Variants in SHISA9 observed in about 807,000 individuals in gnomAD.
SHISA9 encodes shisa family member 9, also known as protein shisa-9.
SHISA9 carries 13 observed loss-of-function variants against 38.0 expected under a neutral mutation model. The ratio of observed to expected loss-of-function variants is 0.34; its 90% CI spans 0.22 to 0.54. SHISA9 has a LOEUF of 0.54. SHISA9 is among the 20% of genes least tolerant of loss of function. SHISA9 has a pLI of 0.91. For synonymous variants in SHISA9, 275 were observed against 242.0 expected (o/e 1.14, Z -1.27); for missense variants, 538 against 575.8 (o/e 0.93, Z 0.67).
the SHISA9 span, among the ~76,000 whole-genome samples, chr16:13,364,595 ATATTTT>A: frequency 6.6e-6 from 1 of 152,230 alleles, no homozygotes; most frequent in Non-Finnish European, 1.5e-5. Flanking sequence ...ACACCAGAGA[ATATTTT>A]TATTAAATAG....
At chr16:13,179,144 T>C (rs1158550978) in intron 2 of SHISA9, among the ~76,000 whole-genome samples, 2 of 152,090 alleles carry the variant, frequency 1.3e-5, no homozygotes, top group Non-Finnish European at 2.9e-5. Flanking sequence ...GGCAAAACCC[T>C]GCCTCTACTA....
the SHISA9 span, among the ~76,000 whole-genome samples, chr16:13,507,052 A>G: frequency 5.0e-4 from 76 of 151,994 alleles, no homozygotes; most frequent in African/African-American, 1.7e-3. Flanking sequence ...CAAAACAACA[A>G]CAGCAACAAC....
chr16:13,402,744 G>A, the SHISA9 span, among the ~76,000 whole-genome samples: 1 of 152,198 alleles, frequency 6.6e-6, no homozygotes, highest in South Asian at 2.1e-4. Context: ...CAGGAATAAT[G>A]TTTTACCAGC....
At chr16:13,155,587 G>A (rs2050537218) in intron 2 of SHISA9, among the ~76,000 whole-genome samples, 1 of 137,690 alleles carries the variant, frequency 7.3e-6, no homozygotes, top group Non-Finnish European at 1.6e-5. Context: ...GTTTGTGTGT[G>A]TGGTGTGTGT....
At chr16:13,225,563 G>C (rs2051270823) in intron 4 of SHISA9, among the ~76,000 whole-genome samples, 2 of 152,178 alleles carry the variant, frequency 1.3e-5, no homozygotes, top group African/African-American at 4.8e-5. Context: ...TGAAAGCTTT[G>C]GTTGGGGCAT....
chr16:13,259,086 GTTAC>G, the SHISA9 span, among the ~76,000 whole-genome samples: 1 of 152,164 alleles, frequency 6.6e-6, no homozygotes, highest in Non-Finnish European at 1.5e-5. Context: ...AAGCAAGCTA[GTTAC>G]TTCCTAGATA....
the SHISA9 span, among the ~76,000 whole-genome samples, chr16:13,549,887 G>A: frequency 6.6e-6 from 1 of 152,064 alleles, no homozygotes; most frequent in Non-Finnish European, 1.5e-5. Flanking sequence ...GCTGGGCATG[G>A]TCGTAAGCGC....
intron 2 of SHISA9, among the ~76,000 whole-genome samples, chr16:12,999,444 A>T (rs980126266): frequency 6.6e-5 from 10 of 152,178 alleles, no homozygotes; most frequent in Non-Finnish European, 1.3e-4. Context: ...ATGAGTATTG[A>T]TTTAGGGGTT....
the SHISA9 span, among the ~76,000 whole-genome samples, chr16:13,371,817 C>T: frequency 6.6e-6 from 1 of 152,208 alleles, no homozygotes; most frequent in East Asian, 1.9e-4. Context: ...TTCAGGAAAA[C>T]TGTGACTCAA....
At chr16:13,337,145 G>C in the SHISA9 span, among the ~76,000 whole-genome samples, 1 of 152,154 alleles carries the variant, frequency 6.6e-6, no homozygotes, top group Non-Finnish European at 1.5e-5. Context: ...CTTCTGAACA[G>C]CTAACACATG....
At chr16:13,007,137 C>A (rs146362485) in intron 2 of SHISA9, among the ~76,000 whole-genome samples, 102 of 152,306 alleles carry the variant, frequency 6.7e-4, no homozygotes, top group Middle Eastern at 3.4e-3. Flanking sequence ...CTAACTCGTT[C>A]TCTAGGAACT....
At chr16:12,923,235 T>C (rs1003833551) in intron 2 of SHISA9, among the ~76,000 whole-genome samples, 1 of 152,156 alleles carries the variant, frequency 6.6e-6, no homozygotes, top group African/African-American at 2.4e-5. Flanking sequence ...CCATATAAAA[T>C]TGTGGGAGAT....
the SHISA9 span, among the ~76,000 whole-genome samples, chr16:13,399,256 A>C: frequency 7.3e-6 from 1 of 136,612 alleles, no homozygotes; most frequent in African/African-American, 3.0e-5. Context: ...CATCTCAATT[A>C]AAAAAAAAAA....
the SHISA9 span, among the ~76,000 whole-genome samples, chr16:13,380,225 C>T: frequency 7.9e-5 from 12 of 152,076 alleles, no homozygotes; most frequent in Non-Finnish European, 8.8e-5. Context: ...GAAAAAATTC[C>T]GGGTTTGAAA....
intron 2 of SHISA9, among the ~76,000 whole-genome samples, chr16:13,128,782 G>T (rs555865979): frequency 2.0e-5 from 3 of 152,210 alleles, no homozygotes; most frequent in South Asian, 2.1e-4. Context: ...GAGCACTTTT[G>T]GTTCTCCTCA....
At chr16:13,380,936 T>C in the SHISA9 span, among the ~76,000 whole-genome samples, 31 of 152,032 alleles carry the variant, frequency 2.0e-4, no homozygotes, top group South Asian at 5.2e-3. Context: ...TTTCTGATCT[T>C]GTGATAGTTT....
In SHISA9 at chr16:12,952,025, G is replaced by A. The variant is rs1013689786; in HGVS notation, c.691+35210G>A. ...GTGCAACTGGTCTACCCTGGAAGGC[G>A]GAGGCAGTGTCTAGGGACTTAAATG... On this transcript the variant is annotated intron_variant, in intron 2 of 4. Transcript: ENST00000558583. Among the ~76,000 whole-genome samples, 7 of 152,334 alleles carry A rather than the reference G, an allele frequency of 4.6e-5. No homozygotes were observed. In the East Asian group the frequency reaches 5.8e-4, roughly 13 times the overall value.
chr16:13,329,997 T>C, the SHISA9 span, among the ~76,000 whole-genome samples: 1 of 152,200 alleles, frequency 6.6e-6, no homozygotes, highest in Non-Finnish European at 1.5e-5. Context: ...AGTGTCTGCC[T>C]CCCCGACCGA....
In SHISA9 at chr16:13,227,353, A is replaced by C. The variant is rs1490646001; in HGVS notation, c.896-7677A>C. ...GTAGGAGAAAGGGAATAGGTTAAGG[A>C]AATATTTGTTAGATATAGCTGGAAG... On this transcript the variant is annotated intron_variant, in intron 4 of 4. Coordinates refer to ENST00000558583, the MANE Select transcript of SHISA9 (RefSeq NM_001145204.3). Among the ~76,000 whole-genome samples the C allele has an allele frequency of 2.6e-5, 4 of 152,348 alleles. No homozygotes were observed. In the East Asian group the frequency reaches 7.7e-4, roughly 29 times the overall value.
Sources: gnomAD v4.1 joint callset for allele counts (sites outside exome capture counted in the v4.1 genomes callset) on GRCh38, gnomAD v4.1.1 for gene constraint, MANE v1.5 for transcripts, NCBI Gene and HGNC (gene_info 2026-07-23, HGNC 2026-07-21) for gene names.